WDR27: variants seen among roughly 807,000 people sequenced by gnomAD.
WDR27 encodes the protein WD repeat-containing protein 27.
Under a neutral mutation model 114.4 loss-of-function variants are expected in WDR27, and 100 were observed. That is an observed-to-expected ratio of 0.87 (90% CI 0.74 to 1.03). WDR27 has a LOEUF of 1.03. Among genes scored for constraint, WDR27 ranks in the 50% least tolerant of loss-of-function variants. The pLI is 0.00. For synonymous variants in WDR27, 449 were observed against 423.1 expected (o/e 1.06, Z -0.75); for missense variants, 1,129 against 1,092.9 (o/e 1.03, Z -0.47).
At chr6:169,662,205 G>C (rs1826337923) in intron 9 of WDR27, 99 bp downstream of exon 9, 4 of 1,333,442 alleles carry the variant, frequency 3.0e-6, no homozygotes, top group Non-Finnish European at 4.2e-6. Context: ...AAAATAATTT[G>C]GTTTTATCTC....
the WDR27 span, among the ~76,000 whole-genome samples, chr6:169,427,826 AC>A: frequency 2.7e-4 from 41 of 150,744 alleles, no homozygotes; most frequent in Middle Eastern, 0.02. Flanking sequence ...AAAAAAAAAA[AC>A]CATTTCCAGG....
chr6:169,580,812 A>G (rs1803235537), intron 24 of WDR27, among the ~76,000 whole-genome samples: 1 of 151,800 alleles, frequency 6.6e-6, no homozygotes, highest in African/African-American at 2.4e-5. Flanking sequence ...AACGGTAGTG[A>G]GGTGATATAT....
intron 25 of WDR27, among the ~76,000 whole-genome samples, chr6:169,510,203 C>T (rs568243457): frequency 6.6e-6 from 1 of 152,276 alleles, no homozygotes; most frequent in South Asian, 2.1e-4. Context: ...CTAGTTCAAC[C>T]ATTGTGGAAG....
intron 21 of WDR27, among the ~76,000 whole-genome samples, chr6:169,616,768 T>G (rs891107545): frequency 6.6e-6 from 1 of 151,750 alleles, no homozygotes; most frequent in Non-Finnish European, 1.5e-5. Context: ...ACCAAGAAAA[T>G]CAATACTATA....
At chr6:169,567,926 G>A (rs1478948004) in intron 25 of WDR27, among the ~76,000 whole-genome samples, 1 of 152,214 alleles carries the variant, frequency 6.6e-6, no homozygotes, top group Admixed American at 6.5e-5. Context: ...CAGCCACTCT[G>A]CAGACGTAAA....
rs779324153 is a variant in WDR27, at chr6:169,649,198, C to A, written c.1559G>T (p.Arg520Leu). ...TTGGAATGCACGCTACATCACACAC[C>A]GTGCGCAGCTGCTCCTGCTCCTTGA... Reference protein sequence around the residue: ...GSSRSRSSCAREAYPVECAVP... With the variant: ...GSSRSRSSCALEAYPVECAVP... Residue 520 changes from arginine (R) to leucine (L), a missense_variant and splice_region_variant, in exon 15 of 26, where the codon CGG (arginine) becomes CTG (leucine). Transcript: ENST00000448612. 6.4e-7 allele frequency: 1 copy of A among 1,567,854 alleles called. No homozygotes were observed. The highest frequency in any genetic ancestry group is 2.3e-5 in the East Asian group (1 of 42,638).
intron 1 of WDR27, among the ~76,000 whole-genome samples, chr6:169,694,837 G>A (rs1045337814): frequency 3.9e-5 from 6 of 152,236 alleles, no homozygotes; most frequent in South Asian, 2.1e-4. Context: ...GTTGCAGGGC[G>A]CTGCGGAAGA....
At position 169,471,625 on chromosome 6, in the gene WDR27, G is replaced by A. The variant is rs1786405550; in HGVS notation, c.2646-13991C>T. On this transcript the variant is annotated intron_variant, in intron 25 of 25. Coordinates refer to ENST00000448612, the MANE Select transcript of WDR27 (RefSeq NM_182552.5). ...CCACAGTGGTATGACAAATGTTCTAGCCTCTTAACTTATTAGAGTAAGTAT... is the reference window on the plus strand; with the variant it reads ...CCACAGTGGTATGACAAATGTTCTAACCTCTTAACTTATTAGAGTAAGTAT... 1.3e-5 allele frequency among the ~76,000 whole-genome samples: 2 copies of A among 152,174 alleles called. 1 individual carries two copies. The highest frequency in any genetic ancestry group is 4.1e-4 in the South Asian group (2 of 4,832).
intron 2 of WDR27, among the ~76,000 whole-genome samples, chr6:169,677,645 G>A (rs1309619818): frequency 1.3e-5 from 2 of 152,254 alleles, no homozygotes; most frequent in African/African-American, 4.8e-5. Flanking sequence ...ACCAAAGGCT[G>A]ATAACCAAGG....
the WDR27 span, among the ~76,000 whole-genome samples, chr6:169,427,957 G>A: frequency 6.6e-6 from 1 of 152,154 alleles, no homozygotes; most frequent in African/African-American, 2.4e-5. Flanking sequence ...CAGGCTTTCA[G>A]CGGGAGGGGA....
chr6:169,477,567 T>A (rs1368307723), intron 25 of WDR27, among the ~76,000 whole-genome samples: 3 of 152,206 alleles, frequency 2.0e-5, no homozygotes, highest in Non-Finnish European at 4.4e-5. Flanking sequence ...GCCTCCCAAG[T>A]AGTTGGGACA....
At chr6:169,504,493 T>A (rs975359572) in intron 25 of WDR27, among the ~76,000 whole-genome samples, 1 of 152,106 alleles carries the variant, frequency 6.6e-6, no homozygotes. Flanking sequence ...ACCATGATTG[T>A]GAGGCTCCCC....
At position 169,658,533 on chromosome 6, in the gene WDR27, T is replaced by A. The variant is rs1161523638; in HGVS notation, c.1320-175A>T. ...TATTCTTATCCTTGTAGGAAAAAAA[T>A]ATTCTTAATAAAAGCGCTGTTTTAT... is the stretch of plus-strand genomic sequence containing the variant. On this transcript the variant is annotated intron_variant, in intron 12 of 25. Transcript: ENST00000448612. Among the ~76,000 whole-genome samples, 1 of 152,072 alleles carries A rather than the reference T, an allele frequency of 6.6e-6. No individual in the cohort carries two copies. The highest frequency in any genetic ancestry group is 1.5e-5 in the Non-Finnish European group (1 of 68,010).
At chr6:169,683,776 C>T (rs1387230729) in intron 2 of WDR27, among the ~76,000 whole-genome samples, 1 of 152,164 alleles carries the variant, frequency 6.6e-6, no homozygotes, top group Non-Finnish European at 1.5e-5. Context: ...CCCACATCAC[C>T]ACCACAAACA....
chr6:169,595,420 C>A (rs1806591222), intron 23 of WDR27, among the ~76,000 whole-genome samples: 1 of 152,046 alleles, frequency 6.6e-6, no homozygotes, highest in Admixed American at 6.6e-5. Flanking sequence ...CCTACTATGC[C>A]CAATAGTGAG....
At chr6:169,648,510 C>T (rs1055166561) in intron 15 of WDR27, among the ~76,000 whole-genome samples, 1 of 152,236 alleles carries the variant, frequency 6.6e-6, no homozygotes. Flanking sequence ...TTGCTGCAAG[C>T]ACGTGCGTAA....
In WDR27 at chr6:169,643,742, G is replaced by A; in HGVS notation, c.1702C>T (p.Leu568Phe). ...LACGLANHLL[L>F]VFDASLTGTP... ...CCAGTCAGGCTGGCATCAAAAACGA[G>A]TAACAGATGGTTGGCCAACCCACAG... is the stretch of plus-strand genomic sequence containing the variant. The change falls in exon 17 of 26, where the codon CTC (leucine) becomes TTC (phenylalanine). Residue 568 changes from leucine to phenylalanine, a missense_variant. Leu to Phe is a conservative substitution (Grantham distance 22, BLOSUM62 0). Transcript: ENST00000448612. The A allele has an allele frequency of 6.2e-7, 1 of 1,613,738 alleles. No homozygotes were observed.
chr6:169,527,823 A>T (rs2128074410), intron 25 of WDR27, among the ~76,000 whole-genome samples: 1 of 152,320 alleles, frequency 6.6e-6, no homozygotes, highest in South Asian at 2.1e-4. Flanking sequence ...GTAAAACGTC[A>T]GCTAAGTAAA....
chr6:169,660,612 C>G, intron 10 of WDR27, 51 bp downstream of exon 10: 7 of 1,470,038 alleles, frequency 4.8e-6, no homozygotes, highest in Non-Finnish European at 6.7e-6. Flanking sequence ...CCCCACATAC[C>G]AGTCAAAGGA....
Sources: allele counts gnomAD v4.1 joint callset (sites outside exome capture counted in the v4.1 genomes callset), GRCh38; gene constraint gnomAD v4.1.1; transcripts MANE v1.5; gene names NCBI Gene and HGNC (gene_info 2026-07-23, HGNC 2026-07-21).